CDK8: variants seen among roughly 807,000 people sequenced by gnomAD.
The protein encoded by CDK8 is cyclin dependent kinase 8.
CDK8 carries 29 observed loss-of-function variants against 71.5 expected under a neutral mutation model. That is an observed-to-expected ratio of 0.41 (90% CI 0.30 to 0.55). CDK8 has a LOEUF of 0.55. CDK8 is among the 20% of genes least tolerant of loss of function. CDK8 has a pLI of 0.37. For synonymous variants in CDK8, 161 were observed against 192.1 expected (o/e 0.84, Z 1.34); for missense variants, 288 against 572.6 (o/e 0.50, Z 5.07).
At chr13:26,363,695 G>A (rs886541422) in intron 4 of CDK8, among the ~76,000 whole-genome samples, 1 of 152,202 alleles carries the variant, frequency 6.6e-6, no homozygotes, top group East Asian at 1.9e-4. Context: ...TTTTAAATCT[G>A]ATAGTGTTGC....
chr13:26,329,086 T>G (rs1237410251), intron 1 of CDK8, among the ~76,000 whole-genome samples: 3 of 152,218 alleles, frequency 2.0e-5, no homozygotes, highest in Non-Finnish European at 4.4e-5. Flanking sequence ...AGTTTCCACA[T>G]TTTTATGCTA....
At chr13:26,256,659 G>T (rs1871538146) in intron 1 of CDK8, among the ~76,000 whole-genome samples, 1 of 152,128 alleles carries the variant, frequency 6.6e-6, no homozygotes, top group East Asian at 1.9e-4. Context: ...AGGCCGTTAA[G>T]AATAATTTGA....
chr13:26,359,444 T>C (rs1191007475), intron 4 of CDK8: 2 of 159,864 alleles, frequency 1.3e-5, no homozygotes, highest in African/African-American at 4.8e-5. Context: ...TCTGCTAGCC[T>C]GATTGGATTC....
At chr13:26,354,701 A>G (rs1370671318) in intron 4 of CDK8, among the ~76,000 whole-genome samples, 1 of 152,182 alleles carries the variant, frequency 6.6e-6, no homozygotes, top group African/African-American at 2.4e-5. Flanking sequence ...ATGCCTTATG[A>G]TCTGAGGTGG....
At chr13:26,372,198 C>T (rs1318928699) in intron 4 of CDK8, among the ~76,000 whole-genome samples, 2 of 152,024 alleles carry the variant, frequency 1.3e-5, no homozygotes, top group Non-Finnish European at 2.9e-5. Flanking sequence ...ATTTTATTTT[C>T]CTGTTAGCAT....
chr13:26,356,571 C>G (rs1376182399), intron 4 of CDK8, among the ~76,000 whole-genome samples: 1 of 152,140 alleles, frequency 6.6e-6, no homozygotes, highest in East Asian at 1.9e-4. Context: ...CTTTCAAATT[C>G]TTCAATTTCT....
At chr13:26,295,843 G>T (rs1447468644) in intron 1 of CDK8, among the ~76,000 whole-genome samples, 1 of 152,132 alleles carries the variant, frequency 6.6e-6, no homozygotes, top group Non-Finnish European at 1.5e-5. Context: ...GGTCTCAATG[G>T]TCAGGTAACA....
chr13:26,398,919 G>A (rs553909518), intron 9 of CDK8, among the ~76,000 whole-genome samples: 8 of 150,178 alleles, frequency 5.3e-5, no homozygotes, highest in South Asian at 2.1e-4. Flanking sequence ...AGCCTAGATC[G>A]TGCCACTGCA....
intron 1 of CDK8, among the ~76,000 whole-genome samples, chr13:26,327,900 G>A (rs1404382223): frequency 1.3e-5 from 2 of 149,702 alleles, no homozygotes; most frequent in East Asian, 3.9e-4. Context: ...TTTAAATAAT[G>A]AAATTTTATT....
chr13:26,333,143 T>G (rs920635499), intron 1 of CDK8, among the ~76,000 whole-genome samples: 1 of 145,524 alleles, frequency 6.9e-6, no homozygotes, highest in East Asian at 1.9e-4. Flanking sequence ...TTATATACCT[T>G]CTTTTTTTTT....
intron 4 of CDK8, among the ~76,000 whole-genome samples, chr13:26,378,147 C>G (rs1875042380): frequency 6.6e-6 from 1 of 152,172 alleles, no homozygotes. Context: ...AGATGTGCCA[C>G]CATTCTCCAC....
intron 4 of CDK8, among the ~76,000 whole-genome samples, chr13:26,355,643 T>C (rs1039195300): frequency 6.6e-6 from 1 of 152,000 alleles, no homozygotes; most frequent in African/African-American, 2.4e-5. Flanking sequence ...AAAAATAGAT[T>C]TACATAACAG....
At chr13:26,366,586 C>T (rs1332877960) in intron 4 of CDK8, among the ~76,000 whole-genome samples, 1 of 152,016 alleles carries the variant, frequency 6.6e-6, no homozygotes, top group Non-Finnish European at 1.5e-5. Context: ...ATTTTTATAA[C>T]TTGCCTCCAG....
rs115073683 is a variant in CDK8 at position 26,308,134 on chromosome 13, C to T, written c.129-29433C>T. ...TTTTCTAGAATTGTGCTGTGCAGTGCAGTAGCCACTAACTACATGTGTCTG... is the reference window on the plus strand; with the variant it reads ...TTTTCTAGAATTGTGCTGTGCAGTGTAGTAGCCACTAACTACATGTGTCTG... On this transcript the variant is annotated intron_variant, in intron 1 of 12. Transcript: ENST00000381527. 7.7e-3 allele frequency among the ~76,000 whole-genome samples: 1,171 copies of T among 152,318 alleles called. 14 individuals are homozygous for T. The highest frequency in any genetic ancestry group is 0.027 in the African/African-American group (1,118 of 41,570).
chr13:26,364,670 A>G (rs1385419302), intron 4 of CDK8, among the ~76,000 whole-genome samples: 1 of 152,154 alleles, frequency 6.6e-6, no homozygotes, highest in Non-Finnish European at 1.5e-5. Context: ...ACTGAAGAAA[A>G]TGTTTATTTA....
intron 4 of CDK8, among the ~76,000 whole-genome samples, chr13:26,381,797 G>A (rs561065174): frequency 6.6e-6 from 1 of 152,024 alleles, no homozygotes; most frequent in East Asian, 1.9e-4. Flanking sequence ...GTAGGTGATA[G>A]GCTAGTATAC....
intron 12 of CDK8, among the ~76,000 whole-genome samples, chr13:26,403,152 G>A (rs747431302): frequency 3.9e-4 from 60 of 152,070 alleles, no homozygotes; most frequent in Non-Finnish European, 7.6e-4. Context: ...TGAGAATACC[G>A]TCCTTCTTAC....
intron 1 of CDK8, among the ~76,000 whole-genome samples, chr13:26,267,927 C>G (rs1872100277): frequency 6.6e-6 from 1 of 152,146 alleles, no homozygotes; most frequent in Non-Finnish European, 1.5e-5. Context: ...AGTTTTATCC[C>G]TCCTGGCTTC....
At chr13:26,348,930 G>C in intron 2 of CDK8, 142 bp from the exon 3 acceptor site, 1 of 664,426 alleles carries the variant, frequency 1.5e-6, no homozygotes, top group Non-Finnish European at 2.7e-6. Context: ...TGAAGTATCC[G>C]TCTCAGAATT....
Sources: allele counts gnomAD v4.1 joint callset (sites outside exome capture counted in the v4.1 genomes callset), GRCh38; gene constraint gnomAD v4.1.1; transcripts MANE v1.5; gene names NCBI Gene and HGNC (gene_info 2026-07-23, HGNC 2026-07-21).